Variants in RPL37A observed in about 807,000 individuals in gnomAD.
The protein encoded by RPL37A is large ribosomal subunit protein eL43.
In RPL37A, 5 loss-of-function variants were observed where a neutral mutation model predicts 13.6. The ratio of observed to expected loss-of-function variants is 0.37; its 90% CI spans 0.19 to 0.78. The LOEUF (loss-of-function observed/expected upper bound fraction) is 0.78, where lower values mean the gene tolerates loss of function less well. Ranked by LOEUF, RPL37A falls within the 30% of genes least tolerant of loss-of-function variation. The pLI, the probability that RPL37A is intolerant of heterozygous loss-of-function variation, is 0.49. For synonymous variants in RPL37A, 50 were observed against 44.4 expected (o/e 1.13, Z -0.50); for missense variants, 77 against 120.0 (o/e 0.64, Z 1.67).
rs1378640099 is a variant in RPL37A at position 216,499,966 on chromosome 2, A to G, written c.150A>G (p.Arg50=). 3.1e-6 allele frequency: 5 copies of G among 1,614,088 alleles called. No individual in the cohort carries two copies. In the South Asian group the frequency reaches 5.5e-5, roughly 18 times the overall value. ...SFCGKTKMKR[R]AVGIWHCGSC... ...TTTTATAGACCAAGATGAAGAGACG[A>G]GCTGTGGGGATCTGGCACTGTGGTT... The change falls in exon 3 of 4, where the codon CGA becomes CGG. Residue 50 remains arginine, a synonymous_variant. Transcript: ENST00000491306.
In RPL37A at chr2:216,498,852, G is replaced by C. The variant is rs867180308; in HGVS notation, c.-23G>C. The C allele has an allele frequency of 3.1e-6, 5 of 1,613,998 alleles. No homozygotes were observed. The South Asian group carries it at 4.4e-5, about 14-fold the overall frequency. On this transcript the variant is annotated 5_prime_UTR_variant, in exon 1 of 4. Coordinates refer to ENST00000491306, the MANE Select transcript of RPL37A (RefSeq NM_000998.5). ...GCGCACCGCGTCTCTTCCTTTCTGGGCTCGGACCTAGGTCGCGGCGACATG... is the reference window on the plus strand; with the variant it reads ...GCGCACCGCGTCTCTTCCTTTCTGGCCTCGGACCTAGGTCGCGGCGACATG...
At chr2:216,499,543 A>G in intron 2 of RPL37A, 145 bp downstream of exon 2, 2 of 1,003,170 alleles carry the variant, frequency 2.0e-6, no homozygotes, top group Non-Finnish European at 2.9e-6. Flanking sequence ...TTAAGATAAA[A>G]GTGTTGATGG....
chr2:216,499,097 G>A (rs1264374837), intron 1 of RPL37A, 173 bp from the exon 2 acceptor site: 2 of 1,144,150 alleles, frequency 1.7e-6, no homozygotes, highest in East Asian at 2.5e-5. Context: ...GGCCTTCGGA[G>A]CGCGCGGCCA....
intron 3 of RPL37A, chr2:216,500,977 T>G (rs546820243): frequency 1.2e-5 from 2 of 166,330 alleles, no homozygotes; most frequent in African/African-American, 2.4e-5. Flanking sequence ...TTTCATGGGA[T>G]GGGGTAGGGG....
chr2:216,501,418 CT>C lies in RPL37A; in HGVS notation c.*17del. ...AAAGACCAGTAGACGCTCCTCTACT[CT>C]TTGAGACATCACTGGCCTATAATAA... On this transcript the variant is annotated 3_prime_UTR_variant, in exon 4 of 4. Coordinates refer to ENST00000491306, the MANE Select transcript of RPL37A (RefSeq NM_000998.5). 6.3e-7 allele frequency: 1 copy of C among 1,588,102 alleles called. No homozygotes were observed.
rs200008787 is a variant in RPL37A at position 216,501,350 on chromosome 2, C to T, written c.225C>T (p.Ser75=). The change falls in exon 4 of 4, where the codon TCC becomes TCT. Residue 75 remains serine, a synonymous_variant. Coordinates refer to ENST00000491306, the MANE Select transcript of RPL37A (RefSeq NM_000998.5). ...AGGAWTYNTT[S]AVTVKSAIRR... is the part of the protein sequence containing the mutation. ...GAATCTTTCTTTCCAGTACCACTTC[C>T]GCTGTCACGGTAAAGTCCGCCATCA... is the stretch of plus-strand genomic sequence containing the variant. 16 of 1,612,490 alleles carry T rather than the reference C, an allele frequency of 9.9e-6. No individual in the cohort carries two copies. Among genetic ancestry groups the T allele is most frequent in the Middle Eastern group, 1.8e-4 (1 of 5,572 alleles).
rs947409438 is a variant in RPL37A, at chr2:216,502,773, T to G, written c.*1369T>G. On this transcript the variant is annotated 3_prime_UTR_variant, in exon 4 of 4. Coordinates refer to ENST00000491306, the MANE Select transcript of RPL37A (RefSeq NM_000998.5). ...TCATCTTTAGGACAGAGTAAAAACC[T>G]TTATTTCACTTGGTCTGACCCCTAT... 3.3e-5 allele frequency: 5 copies of G among 152,336 alleles called. No homozygotes were observed. Among genetic ancestry groups the G allele is most frequent in the Admixed American group, 3.3e-4 (5 of 15,308 alleles). The allele number at this position is 152,336 out of a possible 1,614,324, so 9.4% of individuals were successfully genotyped here.
At chr2:216,499,225 C>G in intron 1 of RPL37A, 45 bp from the exon 2 acceptor site, 2 of 1,589,452 alleles carry the variant, frequency 1.3e-6, no homozygotes, top group Non-Finnish European at 1.7e-6. Flanking sequence ...CAGGGCCTGC[C>G]TGGGTTCCAG....
intron 1 of RPL37A, 131 bp downstream of exon 1, chr2:216,499,008 C>A: frequency 7.2e-7 from 1 of 1,385,748 alleles, no homozygotes; most frequent in Non-Finnish European, 1.0e-6. Flanking sequence ...GCAGGAGACA[C>A]CATTGTCGGA....
rs185334773 is a variant in RPL37A at position 216,498,956 on chromosome 2, T to A, written c.3+79T>A. ...GTTTTCTTCTCCCGCACCCATCTCC[T>A]CTCCTGCCTTACCCCGTGTTCTCTC... On this transcript the variant is annotated intron_variant, in intron 1 of 3. Coordinates refer to ENST00000491306, the MANE Select transcript of RPL37A (RefSeq NM_000998.5). 98 of 1,569,530 alleles carry A rather than the reference T, an allele frequency of 6.2e-5. No individual in the cohort carries two copies. The African/African-American group carries it at 1.1e-3, about 18-fold the overall frequency.
intron 1 of RPL37A, 67 bp from the exon 2 acceptor site, chr2:216,499,203 G>A: frequency 6.5e-7 from 1 of 1,548,024 alleles, no homozygotes. Flanking sequence ...GAGGAACGGT[G>A]TGTGGAGGCT....
Position 216,503,728 on chromosome 2 carries a change from A to C in RPL37A, c.*2324A>C, listed in dbSNP as rs1380005182. On this transcript the variant is annotated 3_prime_UTR_variant, in exon 4 of 4. Transcript: ENST00000491306. ...ATTGCTTTTTTATGACAGTTAAAAG[A>C]GGAAAGGGCGGGGGACAGTTTACAG... The C allele has an allele frequency of 6.6e-6, 1 of 152,156 alleles. No homozygotes were observed. The highest frequency in any genetic ancestry group is 6.5e-5 in the Admixed American group (1 of 15,274). 9.4% of individuals were successfully genotyped at this position (152,156 alleles called of 1,614,324 possible).
At position 216,498,898 on chromosome 2, in the gene RPL37A, G is replaced by A. The variant is rs774829500; in HGVS notation, c.3+21G>A. ...ACATGGTGAGTGTGGGTCTCTGTGC[G>A]GCCTAGAACTCTATCTGCCTGCATC... On this transcript the variant is annotated intron_variant, in intron 1 of 3. Coordinates refer to ENST00000491306, the MANE Select transcript of RPL37A (RefSeq NM_000998.5). 8 of 1,613,854 alleles carry A rather than the reference G, an allele frequency of 5.0e-6. No homozygotes were observed. In the Admixed American group the frequency reaches 1.3e-4, roughly 27 times the overall value.
intron 3 of RPL37A, 128 bp downstream of exon 3, chr2:216,500,159 C>T: frequency 1.4e-6 from 1 of 697,990 alleles, no homozygotes; most frequent in East Asian, 2.7e-5. Flanking sequence ...TTTGTATTTT[C>T]AGGATTCTTC....
At chr2:216,500,287 A>G (rs746762529) in intron 3 of RPL37A, 4 of 535,892 alleles carry the variant, frequency 7.5e-6, no homozygotes, top group Non-Finnish European at 1.3e-5. Context: ...ATTGTTGTGA[A>G]CATTGTCATG....
rs563726636 is a variant in RPL37A at position 216,498,903 on chromosome 2, A to G, written c.3+26A>G. ...GTGAGTGTGGGTCTCTGTGCGGCCT[A>G]GAACTCTATCTGCCTGCATCTGTCC... On this transcript the variant is annotated intron_variant, in intron 1 of 3. Coordinates refer to ENST00000491306, the MANE Select transcript of RPL37A (RefSeq NM_000998.5). 2.4e-5 allele frequency: 39 copies of G among 1,613,564 alleles called. 1 individual carries two copies. The highest frequency in any genetic ancestry group is 2.3e-4 in the African/African-American group (17 of 74,878).
In RPL37A at chr2:216,502,868, C is replaced by CA. The variant is rs962737730; in HGVS notation, c.*1465dup. 5.3e-4 allele frequency: 81 copies of CA among 152,354 alleles called. No individual in the cohort carries two copies. The highest frequency in any genetic ancestry group is 1.9e-3 in the African/African-American group (80 of 41,566). The allele number at this position is 152,354 out of a possible 1,614,324, so 9.4% of individuals were successfully genotyped here. On this transcript the variant is annotated 3_prime_UTR_variant, in exon 4 of 4. Transcript: ENST00000491306. ...TGTCTCCCTTCACCTGTACCTCCTG[C>CA]ATTGCCTCTGGCAGAAACATCGCTA...
intron 2 of RPL37A, 89 bp from the exon 3 acceptor site, chr2:216,499,860 C>T (rs1167332498): frequency 9.0e-7 from 1 of 1,115,036 alleles, no homozygotes; most frequent in Non-Finnish European, 1.4e-6. Flanking sequence ...ACATCCCTGA[C>T]AATAAGGTGA....
chr2:216,499,925 G>C, intron 2 of RPL37A, 24 bp from the exon 3 acceptor site: 1 of 1,593,080 alleles, frequency 6.3e-7, no homozygotes, highest in Non-Finnish European at 8.6e-7. Context: ...TTGGTTCATA[G>C]TGAAAATTGG....
Sources: allele counts gnomAD v4.1 joint callset, GRCh38; gene constraint gnomAD v4.1.1; transcripts MANE v1.5; gene names NCBI Gene and HGNC (gene_info 2026-07-23, HGNC 2026-07-21).